Variants in ARL15 observed in about 807,000 individuals in gnomAD.
ARL15 encodes ARF like GTPase 15.
ARL15 carries 19 observed loss-of-function variants against 25.2 expected under a neutral mutation model. The observed-to-expected ratio is 0.75, with a 90% CI of 0.53 to 1.10. The LOEUF is 1.10. Among genes scored for constraint, ARL15 ranks in the 50% least tolerant of loss-of-function variants. The pLI is 0.00. For synonymous variants in ARL15, 94 were observed against 86.8 expected, an observed-to-expected ratio of 1.08 and a Z score of -0.46; for missense variants, 220 against 246.0, an observed-to-expected ratio of 0.89 and a Z score of 0.71.
At chr5:54,293,301 T>G (rs1758379164) in intron 1 of ARL15, among the ~76,000 whole-genome samples, 2 of 152,218 alleles carry the variant, frequency 1.3e-5, no homozygotes, top group South Asian at 4.1e-4. Context: ...CTAAAGGCAG[T>G]TTTTGTGTTC....
chr5:54,144,714 T>C (rs1044075894), intron 3 of ARL15, among the ~76,000 whole-genome samples: 11 of 152,170 alleles, frequency 7.2e-5, no homozygotes, highest in African/African-American at 2.2e-4. Flanking sequence ...CAGTGATTAA[T>C]AGGGACAGAC....
chr5:54,184,546 A>C (rs532660750), intron 1 of ARL15, among the ~76,000 whole-genome samples: 22 of 150,436 alleles, frequency 1.5e-4, no homozygotes, highest in Non-Finnish European at 3.3e-4. Flanking sequence ...CCCTAGGAGG[A>C]AAGATCTCAA....
chr5:54,235,209 A>C (rs549034850), intron 1 of ARL15, among the ~76,000 whole-genome samples: 1 of 152,366 alleles, frequency 6.6e-6, no homozygotes, highest in East Asian at 1.9e-4. Context: ...TTTGAAGGAT[A>C]AGAACCAATG....
chr5:54,003,658 T>TTATATCCATCTATCTATCTA (rs1253734153), intron 4 of ARL15, among the ~76,000 whole-genome samples: 15 of 134,104 alleles, frequency 1.1e-4, no homozygotes, highest in South Asian at 2.5e-4. Flanking sequence ...AGAAAATATT[T>TTATATCCATCTATCTATCTA]TCTTTCTATC....
chr5:54,156,465 A>C (rs535511521), intron 2 of ARL15, among the ~76,000 whole-genome samples: 1 of 152,340 alleles, frequency 6.6e-6, no homozygotes, highest in African/African-American at 2.4e-5. Context: ...TGCTGGCATT[A>C]TGTTTCCATT....
At chr5:54,232,268 T>C (rs957616430) in intron 1 of ARL15, among the ~76,000 whole-genome samples, 1 of 152,184 alleles carries the variant, frequency 6.6e-6, no homozygotes, top group Non-Finnish European at 1.5e-5. Flanking sequence ...TCTTGGCTCT[T>C]TGACAGCAGG....
chr5:54,116,506 A>G lies in ARL15; in HGVS notation c.254-3096T>C, dbSNP rs7729867. Among the ~76,000 whole-genome samples the G allele has an allele frequency of 6.2e-3, 941 of 152,332 alleles. 7 individuals carry two copies. Among genetic ancestry groups the G allele is most frequent in the African/African-American group, 0.02 (826 of 41,566 alleles). On this transcript the variant is annotated intron_variant, in intron 3 of 4. Transcript: ENST00000504924. Reference sequence around the variant, plus strand: ...CTAGCTTGTTATAAATTTCACTAACATGAAGGATGTGCAGTGCACAGTTTT... The same window carrying G: ...CTAGCTTGTTATAAATTTCACTAACGTGAAGGATGTGCAGTGCACAGTTTT...
intron 4 of ARL15, among the ~76,000 whole-genome samples, chr5:53,949,919 T>C (rs1746888287): frequency 6.6e-6 from 1 of 152,102 alleles, no homozygotes; most frequent in African/African-American, 2.4e-5. Flanking sequence ...CAAATGCATA[T>C]GAAGAAGGAA....
chr5:54,135,710 T>A (rs762299234), intron 3 of ARL15, among the ~76,000 whole-genome samples: 6 of 152,226 alleles, frequency 3.9e-5, no homozygotes, highest in Non-Finnish European at 7.3e-5. Flanking sequence ...TTTGGGACTG[T>A]TCAGTTCAGT....
intron 4 of ARL15, among the ~76,000 whole-genome samples, chr5:53,891,741 G>A (rs1055584261): frequency 2.0e-5 from 3 of 152,188 alleles, no homozygotes; most frequent in Non-Finnish European, 2.9e-5. Flanking sequence ...CCTGCGAGGT[G>A]GTTGTGGTGG....
At chr5:53,925,305 C>T (rs1487435139) in intron 4 of ARL15, among the ~76,000 whole-genome samples, 1 of 152,008 alleles carries the variant, frequency 6.6e-6, no homozygotes, top group African/African-American at 2.4e-5. Flanking sequence ...AAGTGATCCT[C>T]CCACCTTAGC....
intron 1 of ARL15, among the ~76,000 whole-genome samples, chr5:54,288,175 G>C (rs1758228194): frequency 6.6e-6 from 1 of 152,216 alleles, no homozygotes; most frequent in Non-Finnish European, 1.5e-5. Context: ...GTGAAGAATG[G>C]CTGAGTGCAG....
At chr5:54,285,342 G>T in intron 1 of ARL15, 1 of 887,540 alleles carries the variant, frequency 1.1e-6, no homozygotes, top group Non-Finnish European at 1.3e-6. Context: ...ATTACTTACA[G>T]TTTATTGTTG....
intron 1 of ARL15, among the ~76,000 whole-genome samples, chr5:54,196,143 A>ATTTAGTTTAAAATTTAGTT (rs1755542928): frequency 6.6e-6 from 1 of 152,206 alleles, no homozygotes; most frequent in Non-Finnish European, 1.5e-5. Flanking sequence ...TTTAAACTAT[A>ATTTAGTTTAAAATTTAGTT]TAGAATTTAG....
chr5:54,163,823 C>T (rs278063), intron 2 of ARL15, among the ~76,000 whole-genome samples: 130,851 of 151,908 alleles, frequency 0.86, 56,453 homozygotes, highest in East Asian at 0.98. Context: ...TAGAGTTTTA[C>T]CAGTTTTACT....
intron 2 of ARL15, among the ~76,000 whole-genome samples, chr5:54,161,998 T>TACACACACACACACACAC (rs3839223): frequency 6.9e-6 from 1 of 144,566 alleles, no homozygotes; most frequent in African/African-American, 2.5e-5. Context: ...CACACACACA[T>TACACACACACACACACAC]ACACACACAC....
At chr5:54,141,823 CTA>C (rs1261556931) in intron 3 of ARL15, among the ~76,000 whole-genome samples, 1 of 152,142 alleles carries the variant, frequency 6.6e-6, no homozygotes, top group African/African-American at 2.4e-5. Context: ...TAGGAGAACA[CTA>C]TTTTATTTTG....
intron 1 of ARL15, among the ~76,000 whole-genome samples, chr5:54,214,907 G>T (rs1048279147): frequency 6.6e-6 from 1 of 152,124 alleles, no homozygotes; most frequent in Non-Finnish European, 1.5e-5. Flanking sequence ...ACTGAGAATG[G>T]ACATACTGCC....
rs1364570212 is a variant in ARL15, at chr5:54,310,550, G to A, written c.-71C>T. The A allele has an allele frequency of 1.2e-5, 18 of 1,517,768 alleles. No homozygotes were observed. Among genetic ancestry groups the A allele is most frequent in the Non-Finnish European group, 1.5e-5 (17 of 1,121,626 alleles). The allele number at this position is 1,517,768 out of a possible 1,614,324, so 94.0% of individuals were successfully genotyped here. ...AAGCAGCGTCTCTGGCTGCGAGCGA[G>A]CAGCTCCTGAAAAAGCCAGCAACAG... On this transcript the variant is annotated 5_prime_UTR_variant, in exon 1 of 5. Transcript: ENST00000504924.
Sources: gnomAD v4.1 joint callset for allele counts (sites outside exome capture counted in the v4.1 genomes callset) on GRCh38, gnomAD v4.1.1 for gene constraint, MANE v1.5 for transcripts, NCBI Gene and HGNC (gene_info 2026-07-23, HGNC 2026-07-21) for gene names.